Variants in SGPL1 observed in about 807,000 individuals in gnomAD.
The protein encoded by SGPL1 is SP-lyase 1.
SGPL1 carries 37 observed loss-of-function variants against 68.9 expected under a neutral mutation model. The observed-to-expected ratio is 0.54, with a 90% CI of 0.41 to 0.71. SGPL1 has a LOEUF of 0.71. SGPL1 is among the 30% of genes least tolerant of loss of function. SGPL1 has a pLI of 0.00. For synonymous variants in SGPL1, 236 were observed against 248.5 expected (o/e 0.95, Z 0.47); for missense variants, 551 against 704.6 (o/e 0.78, Z 2.47).
chr10:70,869,418 C>T (rs369360550), intron 8 of SGPL1: 2 of 156,584 alleles, frequency 1.3e-5, no homozygotes, highest in Admixed American at 6.5e-5. Context: ...TTCTCATTCT[C>T]ACTGAGGTGC....
intron 2 of SGPL1, among the ~76,000 whole-genome samples, chr10:70,830,096 T>G (rs1252484457): frequency 6.6e-6 from 1 of 152,164 alleles, no homozygotes; most frequent in African/African-American, 2.4e-5. Flanking sequence ...CAGAAGGCCT[T>G]TTAAATTTTA....
At position 70,873,584 on chromosome 10, in the gene SGPL1, G is replaced by C; in HGVS notation, c.1293G>C (p.Lys431Asn). ...TCATCAAAACTGCTCGCTTCCTCAA[G>C]TCAGAGTATGTGTGGAAGACTGGGG... ...KQIIKTARFLKSELENIKGIF... is the reference protein window; with the variant it reads ...KQIIKTARFLNSELENIKGIF... The change falls in exon 12 of 15, where the codon AAG becomes AAC. Residue 431 changes from lysine to asparagine, a missense_variant. Physicochemically the swap from Lys to Asn is moderately conservative, Grantham distance 94 (BLOSUM62 0). Coordinates refer to ENST00000373202, the MANE Select transcript of SGPL1 (RefSeq NM_003901.4). 6.2e-7 allele frequency: 1 copy of C among 1,609,672 alleles called. No homozygotes were observed. Among genetic ancestry groups the C allele is most frequent in the Non-Finnish European group, 8.5e-7 (1 of 1,175,852 alleles).
intron 2 of SGPL1, among the ~76,000 whole-genome samples, chr10:70,823,566 A>G (rs1845380130): frequency 8.6e-6 from 1 of 116,092 alleles, no homozygotes; most frequent in Non-Finnish European, 1.9e-5. Context: ...TTATATTGAA[A>G]AAAAAAAAAA....
chr10:70,871,935 A>G lies in SGPL1; in HGVS notation c.1008A>G (p.Pro336=). 6.2e-7 allele frequency: 1 copy of G among 1,614,156 alleles called. No individual in the cohort carries two copies. Among genetic ancestry groups the G allele is most frequent in the African/African-American group, 1.3e-5 (1 of 75,050 alleles). ...AAGCAGGATACCCACTGGAGCACCC[A>G]TTTGATTTCCGGGTGAAAGGTGTAA... ...MEKAGYPLEH[P]FDFRVKGVTS... is the part of the protein sequence containing the mutation. The change falls in exon 11 of 15, where the codon CCA becomes CCG. Residue 336 remains proline, a synonymous_variant. Coordinates refer to ENST00000373202, the MANE Select transcript of SGPL1 (RefSeq NM_003901.4).
chr10:70,817,388 ATG>A (rs1218730840), intron 2 of SGPL1, among the ~76,000 whole-genome samples: 3 of 152,364 alleles, frequency 2.0e-5, no homozygotes, highest in African/African-American at 4.8e-5. Context: ...AATACAGTAT[ATG>A]TAGAACTTAA....
intron 2 of SGPL1, among the ~76,000 whole-genome samples, chr10:70,819,775 C>T (rs892809756): frequency 1.3e-5 from 2 of 152,020 alleles, no homozygotes; most frequent in East Asian, 1.9e-4. Flanking sequence ...GGACGACAGG[C>T]ACATGCCACC....
At chr10:70,821,142 A>G (rs1185791877) in intron 2 of SGPL1, among the ~76,000 whole-genome samples, 1 of 152,224 alleles carries the variant, frequency 6.6e-6, no homozygotes, top group Admixed American at 6.5e-5. Flanking sequence ...GATGTGTCAT[A>G]GACTGCAGTA....
chr10:70,822,632 G>T (rs1845358977), intron 2 of SGPL1, among the ~76,000 whole-genome samples: 1 of 152,148 alleles, frequency 6.6e-6, no homozygotes, highest in South Asian at 2.1e-4. Flanking sequence ...AAGATGGAAT[G>T]GTGAAGGCTG....
At chr10:70,844,947 T>C (rs1278674750) in intron 3 of SGPL1, among the ~76,000 whole-genome samples, 1 of 151,982 alleles carries the variant, frequency 6.6e-6, no homozygotes, top group Non-Finnish European at 1.5e-5. Flanking sequence ...ACCATGTTGG[T>C]CAGGATGGTC....
intron 3 of SGPL1, among the ~76,000 whole-genome samples, chr10:70,850,203 C>T (rs1460679850): frequency 6.6e-6 from 1 of 152,060 alleles, no homozygotes; most frequent in African/African-American, 2.4e-5. Flanking sequence ...TTTGTTGAGA[C>T]AGGGTCTCAC....
At chr10:70,850,482 G>T (rs1263475033) in intron 3 of SGPL1, among the ~76,000 whole-genome samples, 1 of 152,206 alleles carries the variant, frequency 6.6e-6, no homozygotes, top group Non-Finnish European at 1.5e-5. Flanking sequence ...GGAAGGTCAA[G>T]AATTCTGGAA....
rs750669504 is a variant in SGPL1, at chr10:70,868,318, A to G, written c.616-27A>G. The G allele has an allele frequency of 1.1e-5, 17 of 1,547,466 alleles. No individual in the cohort carries two copies. The South Asian group carries it at 1.6e-4, about 15-fold the overall frequency. ...AGCCGGGGCATTCCTGACTCCCCCAACAGATGGCATCTCTTCTTTATTATA... is the reference window on the plus strand; with the variant it reads ...AGCCGGGGCATTCCTGACTCCCCCAGCAGATGGCATCTCTTCTTTATTATA... On this transcript the variant is annotated intron_variant, in intron 7 of 14. Coordinates refer to ENST00000373202, the MANE Select transcript of SGPL1 (RefSeq NM_003901.4).
At chr10:70,870,891 C>T (rs116368531) in intron 9 of SGPL1, among the ~76,000 whole-genome samples, 157 bp from the exon 10 acceptor site, 4 of 152,186 alleles carry the variant, frequency 2.6e-5, no homozygotes, top group African/African-American at 7.2e-5. Flanking sequence ...GTCCTGTCAC[C>T]GTGGTGGGAT....
chr10:70,870,431 C>G (rs111990433), intron 9 of SGPL1, among the ~76,000 whole-genome samples: 2 of 151,914 alleles, frequency 1.3e-5, no homozygotes, highest in African/African-American at 4.8e-5. Context: ...CACTTGAGCC[C>G]CAGGAGGTTG....
At chr10:70,851,031 ACT>A (rs766524054) in intron 3 of SGPL1, 110 bp from the exon 4 acceptor site, 15 of 788,806 alleles carry the variant, frequency 1.9e-5, no homozygotes, top group South Asian at 3.3e-5. Context: ...AACGAAAGAA[ACT>A]CTTTGCAATT....
intron 2 of SGPL1, among the ~76,000 whole-genome samples, chr10:70,842,399 A>G (rs1042170395): frequency 2.0e-5 from 3 of 152,178 alleles, no homozygotes; most frequent in Non-Finnish European, 4.4e-5. Flanking sequence ...TTAAACATGG[A>G]CTGGATTAGC....
intron 12 of SGPL1, among the ~76,000 whole-genome samples, chr10:70,873,913 C>G (rs1846340573): frequency 6.6e-6 from 1 of 152,222 alleles, no homozygotes. Context: ...GATTCCCAAA[C>G]TTGAGCATGC....
Position 70,881,173 on chromosome 10 carries a change from TAAAA to T in SGPL1, c.*3846_*3849del, listed in dbSNP as rs3834417. The stretch of plus-strand genomic sequence containing the variant: ...ATTTTAGAATAAACCTATTTATTTC[TAAAA>T]AAAAAAAGAAAAGAAAGTGTTACCT... On this transcript the variant is annotated 3_prime_UTR_variant, in exon 15 of 15. Transcript: ENST00000373202. 18 of 146,376 alleles carry T rather than the reference TAAAA, an allele frequency of 1.2e-4. No homozygotes were observed. The highest frequency in any genetic ancestry group is 6.5e-4 in the South Asian group (3 of 4,628). The allele number at this position is 146,376 out of a possible 1,614,324, so 9.1% of individuals were successfully genotyped here.
chr10:70,816,917 A>G (rs750491422), intron 2 of SGPL1, 37 bp downstream of exon 2: 1 of 1,608,964 alleles, frequency 6.2e-7, no homozygotes, highest in Non-Finnish European at 8.5e-7. Flanking sequence ...GTTCCAAGGC[A>G]TTTGTCTCCG....
Sources: allele counts gnomAD v4.1 joint callset (sites outside exome capture counted in the v4.1 genomes callset), GRCh38; gene constraint gnomAD v4.1.1; transcripts MANE v1.5; gene names NCBI Gene and HGNC (gene_info 2026-07-23, HGNC 2026-07-21).